The following GRAMD2B variants were observed in gnomAD, a reference collection of about 807,000 sequenced individuals.
The protein encoded by GRAMD2B is GRAM domain containing 2B.
In GRAMD2B, 41 loss-of-function variants were observed where a neutral mutation model predicts 59.2. That is an observed-to-expected ratio of 0.69 (90% CI 0.54 to 0.90). GRAMD2B has a LOEUF of 0.90. Among genes scored for constraint, GRAMD2B ranks in the 40% least tolerant of loss-of-function variants. The pLI is 0.00. For missense variants in GRAMD2B, 424 were observed against 500.5 expected (o/e 0.85, Z 1.46); for synonymous variants, 161 against 182.7 (o/e 0.88, Z 0.96).
In GRAMD2B at chr5:126,465,571, T is replaced by C. The variant is rs755816386; in HGVS notation, c.203+26T>C. 4 of 1,606,454 alleles carry C rather than the reference T, an allele frequency of 2.5e-6. No individual in the cohort carries two copies. The African/African-American group carries it at 4.0e-5, about 16-fold the overall frequency. On this transcript the variant is annotated intron_variant, in intron 2 of 13. Coordinates refer to ENST00000285689, the MANE Select transcript of GRAMD2B (RefSeq NM_023927.4). ...GTAAGTCCTCCGTTGACTCTCTTTG[T>C]TCTCTTTTGTCTTTTGGGGAGAAGG... is the stretch of plus-strand genomic sequence containing the variant.
chr5:126,455,981 G>A (rs58059136), intron 1 of GRAMD2B, among the ~76,000 whole-genome samples: 1 of 152,192 alleles, frequency 6.6e-6, no homozygotes, highest in Non-Finnish European at 1.5e-5. Flanking sequence ...TAAATCCTTT[G>A]AGAACATAAA....
At chr5:126,392,562 G>A (rs1229958707) in intron 1 of GRAMD2B, among the ~76,000 whole-genome samples, 1 of 152,046 alleles carries the variant, frequency 6.6e-6, no homozygotes, top group African/African-American at 2.4e-5. Context: ...TAAAAGCAGG[G>A]GTTCAACATA....
intron 1 of GRAMD2B, among the ~76,000 whole-genome samples, chr5:126,425,882 G>A (rs1760531933): frequency 6.6e-6 from 1 of 152,180 alleles, no homozygotes; most frequent in African/African-American, 2.4e-5. Context: ...GGAGGGAATA[G>A]GGAGTTGATC....
chr5:126,418,934 T>C (rs575971807), upstream of GRAMD2B, among the ~76,000 whole-genome samples: 1 of 152,216 alleles, frequency 6.6e-6, no homozygotes, highest in African/African-American at 2.4e-5. Flanking sequence ...ATATCATGCA[T>C]AGTTAAGTTA....
In GRAMD2B at chr5:126,469,777, T is replaced by A. The variant is rs1769199114; in HGVS notation, c.304T>A (p.Ser102Thr). Residue 102 changes from serine to threonine, a missense_variant, in exon 3 of 14, where the codon TCT (serine) becomes ACT (threonine). Transcript: ENST00000285689. ...TAAGACTGAAAGAAAAAAGTCTTCA[T>A]CTTCCAGCCAGGTAATTTGAGAATG... Reference protein sequence around the residue: ...DPKTERKKSSSSSQYKANMHF... With the variant: ...DPKTERKKSSTSSQYKANMHF... 6.2e-7 allele frequency: 1 copy of A among 1,608,706 alleles called. No individual in the cohort carries two copies. The highest frequency in any genetic ancestry group is 2.2e-5 in the East Asian group (1 of 44,850).
At chr5:126,468,139 A>T (rs557809416) in intron 2 of GRAMD2B, among the ~76,000 whole-genome samples, 1 of 152,274 alleles carries the variant, frequency 6.6e-6, no homozygotes, top group Admixed American at 6.5e-5. Context: ...CATATATATA[A>T]CTCCAAAAAT....
intron 1 of GRAMD2B, among the ~76,000 whole-genome samples, chr5:126,400,513 A>G (rs1055418294): frequency 2.0e-5 from 3 of 151,934 alleles, no homozygotes; most frequent in East Asian, 1.9e-4. Context: ...ACAAGATTAG[A>G]GTATTCTGAA....
chr5:126,433,497 T>C (rs1170789934), intron 1 of GRAMD2B: 1 of 152,242 alleles, frequency 6.6e-6, no homozygotes, highest in Non-Finnish European at 1.5e-5. Context: ...AAAAGGAAGA[T>C]TTATTTCCAT....
At chr5:126,430,005 C>T (rs942799672) in intron 1 of GRAMD2B, among the ~76,000 whole-genome samples, 6 of 152,180 alleles carry the variant, frequency 3.9e-5, no homozygotes, top group Admixed American at 6.5e-5. Context: ...AAACTGTTTC[C>T]ACTTGCTAAA....
intron 1 of GRAMD2B, among the ~76,000 whole-genome samples, chr5:126,387,782 C>A (rs1756306443): frequency 1.3e-5 from 2 of 152,032 alleles, no homozygotes; most frequent in Non-Finnish European, 2.9e-5. Context: ...ACTATATATA[C>A]ACATAAATTT....
In GRAMD2B at chr5:126,387,471, C is replaced by T. The variant is rs1056170740; in HGVS notation, c.125+15904C>T. On this transcript the variant is annotated intron_variant, in intron 1 of 8. Transcript: ENST00000506445. ...TTTTCTGGAAATATAAGAATAAAGACACTAAGAGAAGATGGTTCTCCATCT... is the reference window on the plus strand; with the variant it reads ...TTTTCTGGAAATATAAGAATAAAGATACTAAGAGAAGATGGTTCTCCATCT... Among the ~76,000 whole-genome samples, 3 of 151,608 alleles carry T rather than the reference C, an allele frequency of 2.0e-5. No individual in the cohort carries two copies. In the South Asian group the frequency reaches 6.2e-4, roughly 31 times the overall value.
chr5:126,430,481 C>T (rs1761381524), intron 1 of GRAMD2B, among the ~76,000 whole-genome samples: 1 of 152,142 alleles, frequency 6.6e-6, no homozygotes, highest in Non-Finnish European at 1.5e-5. Flanking sequence ...TTCATCCCTC[C>T]AGTGATATCC....
At chr5:126,381,004 T>C (rs1320089851) in intron 1 of GRAMD2B, among the ~76,000 whole-genome samples, 1 of 152,222 alleles carries the variant, frequency 6.6e-6, no homozygotes, top group African/African-American at 2.4e-5. Flanking sequence ...TGCTTTCAAC[T>C]TTTCACCATT....
chr5:126,361,991 T>TA (rs1488481612), intron 1 of GRAMD2B, among the ~76,000 whole-genome samples: 1 of 152,220 alleles, frequency 6.6e-6, no homozygotes, highest in Admixed American at 6.5e-5. Flanking sequence ...ACAAGCATGT[T>TA]AAGCCTACCA....
chr5:126,369,270 T>TTGAATGAA (rs33935788), upstream of GRAMD2B, among the ~76,000 whole-genome samples: 47 of 151,508 alleles, frequency 3.1e-4, no homozygotes, highest in African/African-American at 1.0e-3. Context: ...TAAATACTTG[T>TTGAATGAA]TGAATGAATG....
At chr5:126,448,124 G>A (rs976170168) in intron 1 of GRAMD2B, among the ~76,000 whole-genome samples, 3 of 152,058 alleles carry the variant, frequency 2.0e-5, no homozygotes, top group African/African-American at 7.3e-5. Context: ...CCAAAGTGCT[G>A]GGATTACAAG....
intron 1 of GRAMD2B, among the ~76,000 whole-genome samples, chr5:126,415,487 T>C (rs76402717): frequency 6.6e-6 from 1 of 151,392 alleles, no homozygotes; most frequent in East Asian, 1.9e-4. Context: ...GCAAAAAAAA[T>C]GTTTTTGGGA....
At chr5:126,394,210 G>A (rs937138065) in intron 1 of GRAMD2B, among the ~76,000 whole-genome samples, 1 of 151,754 alleles carries the variant, frequency 6.6e-6, no homozygotes, top group Non-Finnish European at 1.5e-5. Context: ...GGGAGGCAGA[G>A]CTTGCAGTGA....
intron 4 of GRAMD2B, among the ~76,000 whole-genome samples, chr5:126,472,805 C>A (rs1769871115): frequency 6.6e-6 from 1 of 152,200 alleles, no homozygotes; most frequent in Admixed American, 6.5e-5. Context: ...TCTAGCCTCT[C>A]TTGATGTGCA....
Sources: gnomAD v4.1 joint callset for allele counts (sites outside exome capture counted in the v4.1 genomes callset) on GRCh38, gnomAD v4.1.1 for gene constraint, MANE v1.5 for transcripts, NCBI Gene and HGNC (gene_info 2026-07-23, HGNC 2026-07-21) for gene names.